METAP2: variants seen among roughly 807,000 people sequenced by gnomAD.
The protein encoded by METAP2 is methionyl aminopeptidase 2.
METAP2 carries 25 observed loss-of-function variants against 59.4 expected under a neutral mutation model. That is an observed-to-expected ratio of 0.42 (90% CI 0.31 to 0.59). The LOEUF (loss-of-function observed/expected upper bound fraction) is 0.59, where lower values mean the gene tolerates loss of function less well. METAP2 is among the 20% of genes least tolerant of loss of function. The probability of loss-of-function intolerance (pLI) is 0.16; values close to 1 mark genes in which losing one functional copy is unlikely to be tolerated. For missense variants in METAP2, 366 were observed against 581.2 expected (o/e 0.63, Z 3.81); for synonymous variants, 214 against 194.1 (o/e 1.10, Z -0.85).
intron 1 of METAP2, among the ~76,000 whole-genome samples, chr12:95,475,728 C>G (rs2076113518): frequency 6.6e-6 from 1 of 152,272 alleles, no homozygotes; most frequent in East Asian, 1.9e-4. Flanking sequence ...TTCCTAAGGC[C>G]TTCAGCATTT....
intron 10 of METAP2, among the ~76,000 whole-genome samples, 174 bp downstream of exon 10, chr12:95,513,090 TACACACACACAC>T (rs60788079): frequency 0.015 from 2,047 of 136,170 alleles, 40 homozygotes; most frequent in African/African-American, 0.049. Flanking sequence ...AGATAAAAAT[TACACACACACAC>T]ACACACACAC....
chr12:95,495,211 G>GTATTTATCACTCC, intron 6 of METAP2, 73 bp downstream of exon 6: 1 of 1,275,408 alleles, frequency 7.8e-7, no homozygotes, highest in Non-Finnish European at 1.1e-6. Flanking sequence ...TAAATGGAGT[G>GTATTTATCACTCC]ATAAATACTG....
chr12:95,511,680 C>A (rs2076404211), intron 8 of METAP2, among the ~76,000 whole-genome samples: 1 of 152,210 alleles, frequency 6.6e-6, no homozygotes, highest in African/African-American at 2.4e-5. Context: ...GCATGAGCCA[C>A]TGCACCTGGC....
At position 95,514,203 on chromosome 12, in the gene METAP2, C is replaced by CTTT. The variant is rs1314853006; in HGVS notation, c.*302_*304dup. On this transcript the variant is annotated 3_prime_UTR_variant, in exon 11 of 11. Transcript: ENST00000323666. ...TTTTGTTTTGAATACCTAAGAGATA[C>CTTT]TTTTTGGATATTTATATTGCCATAT... is the stretch of plus-strand genomic sequence containing the variant. 3.1e-6 allele frequency: 1 copy of CTTT among 323,138 alleles called. No homozygotes were observed. Among genetic ancestry groups the CTTT allele is most frequent in the Non-Finnish European group, 5.6e-6 (1 of 178,784 alleles). 20.0% of individuals were successfully genotyped at this position (323,138 alleles called of 1,614,324 possible).
At chr12:95,496,544 A>G (rs539561411) in intron 7 of METAP2, among the ~76,000 whole-genome samples, 18 of 152,268 alleles carry the variant, frequency 1.2e-4, no homozygotes, top group Admixed American at 3.3e-4. Flanking sequence ...CCACATCACA[A>G]TTATTCAAAG....
chr12:95,507,196 T>G (rs1352566751), intron 8 of METAP2, among the ~76,000 whole-genome samples: 1 of 152,216 alleles, frequency 6.6e-6, no homozygotes, highest in Non-Finnish European at 1.5e-5. Flanking sequence ...CCAAGTTTCT[T>G]GACTGTAGTA....
intron 7 of METAP2, among the ~76,000 whole-genome samples, chr12:95,498,576 G>A (rs141851362): frequency 6.6e-6 from 1 of 152,212 alleles, no homozygotes; most frequent in Admixed American, 6.5e-5. Flanking sequence ...CTTCAACTTA[G>A]GTCTTTGATC....
intron 8 of METAP2, among the ~76,000 whole-genome samples, chr12:95,505,820 C>T (rs993603940): frequency 2.0e-5 from 3 of 149,360 alleles, no homozygotes; most frequent in East Asian, 2.1e-4. Flanking sequence ...GTCTGCCAGA[C>T]GTGGTGGCTC....
At chr12:95,474,940 A>ATATG (rs1407571013) in intron 1 of METAP2, among the ~76,000 whole-genome samples, 1 of 152,156 alleles carries the variant, frequency 6.6e-6, no homozygotes, top group African/African-American at 2.4e-5. Context: ...CTAATCCCAT[A>ATATG]GCATCGCCAA....
chr12:95,485,695 C>T, intron 3 of METAP2, 184 bp from the exon 4 acceptor site: 1 of 479,164 alleles, frequency 2.1e-6, no homozygotes, highest in East Asian at 3.7e-5. Flanking sequence ...TTCTTTTTCC[C>T]AAGCAGCAAT....
At chr12:95,506,336 G>A (rs1296689956) in intron 8 of METAP2, among the ~76,000 whole-genome samples, 2 of 129,874 alleles carry the variant, frequency 1.5e-5, no homozygotes, top group Admixed American at 9.0e-5. Context: ...TCACTCTGTC[G>A]CCCAGGCTAG....
At chr12:95,500,997 C>A (rs1594430206) in intron 7 of METAP2, among the ~76,000 whole-genome samples, 1 of 144,396 alleles carries the variant, frequency 6.9e-6, no homozygotes, top group Non-Finnish European at 1.5e-5. Flanking sequence ...CAAAGTTTTC[C>A]TTTGTTGGGA....
rs190742520 is a variant in METAP2, at chr12:95,510,413, C to T, written c.965-1482C>T. On this transcript the variant is annotated intron_variant, in intron 8 of 10. Coordinates refer to ENST00000323666, the MANE Select transcript of METAP2 (RefSeq NM_006838.4). ...CTGGCATCTGGTGAAGGTCTTCTTG[C>T]TGCATCATCCTATGGCATTAGGCAG... Among the ~76,000 whole-genome samples, 9 of 152,306 alleles carry T rather than the reference C, an allele frequency of 5.9e-5. No homozygotes were observed. The East Asian group carries it at 7.7e-4, about 13-fold the overall frequency.
chr12:95,515,624 T>G lies in METAP2; in HGVS notation c.*1720T>G, dbSNP rs1298785688. The G allele has an allele frequency of 6.6e-6, 1 of 152,220 alleles. No individual in the cohort carries two copies. The highest frequency in any genetic ancestry group is 6.5e-5 in the Admixed American group (1 of 15,280). The allele number at this position is 152,220 out of a possible 1,614,324, so 9.4% of individuals were successfully genotyped here. ...GCTCCAAGCTCCCTTCCCAGGTAAC[T>G]GTTGGGAGCAATGGCATCACTGTAT... On this transcript the variant is annotated 3_prime_UTR_variant, in exon 11 of 11. Transcript: ENST00000323666.
chr12:95,504,210 A>C, intron 8 of METAP2, 49 bp downstream of exon 8: 1 of 1,305,124 alleles, frequency 7.7e-7, no homozygotes, highest in Non-Finnish European at 1.1e-6. Flanking sequence ...TTTACAAACT[A>C]TTGTCGAGTG....
rs560850492 is a variant in METAP2 at position 95,505,567 on chromosome 12, C to T, written c.964+1406C>T. Reference sequence around the variant, plus strand: ...GTGGCACGATCTCGGCTCACTGCAACCTTTGCCTCCCAGGTTCGAGCCATT... The same window carrying T: ...GTGGCACGATCTCGGCTCACTGCAATCTTTGCCTCCCAGGTTCGAGCCATT... On this transcript the variant is annotated intron_variant, in intron 8 of 10. Coordinates refer to ENST00000323666, the MANE Select transcript of METAP2 (RefSeq NM_006838.4). Among the ~76,000 whole-genome samples the T allele has an allele frequency of 1.7e-3, 263 of 152,144 alleles. 2 individuals carry two copies. The highest frequency in any genetic ancestry group is 3.1e-3 in the Non-Finnish European group (212 of 67,988).
intron 1 of METAP2, among the ~76,000 whole-genome samples, chr12:95,475,164 A>G (rs1395812740): frequency 6.6e-6 from 1 of 152,230 alleles, no homozygotes; most frequent in Non-Finnish European, 1.5e-5. Flanking sequence ...CTTCACCTTA[A>G]TAAAAATTAT....
chr12:95,474,748 C>T (rs138557728), intron 1 of METAP2, among the ~76,000 whole-genome samples: 3 of 152,148 alleles, frequency 2.0e-5, no homozygotes, highest in African/African-American at 7.2e-5. Context: ...CTGGAGCAAG[C>T]TAGGACTTAT....
At chr12:95,484,847 G>A (rs1172737414) in intron 3 of METAP2, 4 of 455,308 alleles carry the variant, frequency 8.8e-6, no homozygotes, top group African/African-American at 8.0e-5. Context: ...AGCCAAATGT[G>A]TGGTTTTTGT....
Sources: allele counts gnomAD v4.1 joint callset (sites outside exome capture counted in the v4.1 genomes callset), GRCh38; gene constraint gnomAD v4.1.1; transcripts MANE v1.5; gene names NCBI Gene and HGNC (gene_info 2026-07-23, HGNC 2026-07-21).